The following DLG2 variants were observed in gnomAD, a reference collection of about 807,000 sequenced individuals.
DLG2 encodes the protein discs large MAGUK scaffold protein 2.
DLG2 carries 45 observed loss-of-function variants against 132.5 expected under a neutral mutation model. The observed-to-expected ratio is 0.34, with a 90% CI of 0.27 to 0.44. DLG2 has a LOEUF of 0.44. Among genes scored for constraint, DLG2 ranks in the 20% least tolerant of loss-of-function variants. The pLI is 1.00. For synonymous variants in DLG2, 424 were observed against 419.6 expected (o/e 1.01, Z -0.13); for missense variants, 1,045 against 1,196.9 (o/e 0.87, Z 1.87).
chr11:84,669,534 T>C (rs2099703475), intron 6 of DLG2, among the ~76,000 whole-genome samples: 2 of 152,074 alleles, frequency 1.3e-5, no homozygotes, highest in Admixed American at 1.3e-4. Flanking sequence ...CTCCTTCACT[T>C]CTTTTGACAA....
chr11:84,759,095 C>T (rs2067268459), intron 6 of DLG2, among the ~76,000 whole-genome samples: 1 of 152,094 alleles, frequency 6.6e-6, no homozygotes, highest in Non-Finnish European at 1.5e-5. Context: ...CCAGGCTGGT[C>T]TTGAACTCCT....
At chr11:84,349,201 T>C (rs2098551915) in intron 7 of DLG2, among the ~76,000 whole-genome samples, 1 of 152,158 alleles carries the variant, frequency 6.6e-6, no homozygotes, top group African/African-American at 2.4e-5. Context: ...TTATTATAAA[T>C]ATGATTTTCA....
At chr11:85,386,030 T>C (rs1260401018) in intron 3 of DLG2, among the ~76,000 whole-genome samples, 1 of 152,212 alleles carries the variant, frequency 6.6e-6, no homozygotes, top group East Asian at 1.9e-4. Context: ...TTTACATGTG[T>C]TTTCTTTAAG....
intron 6 of DLG2, among the ~76,000 whole-genome samples, chr11:84,593,556 C>A (rs1403973214): frequency 2.0e-5 from 3 of 152,088 alleles, no homozygotes; most frequent in African/African-American, 7.2e-5. Flanking sequence ...ACTAGAAAAC[C>A]AAACACCACA....
chr11:85,500,368 A>T lies in DLG2; in HGVS notation c.40+98289T>A, dbSNP rs577768186. Among the ~76,000 whole-genome samples the T allele has an allele frequency of 2.5e-3, 305 of 120,476 alleles. 6 individuals are homozygous for T. The highest frequency in any genetic ancestry group is 0.011 in the African/African-American group (284 of 26,470). 79.0% of individuals were successfully genotyped at this position (120,476 alleles called of 152,430 possible). On this transcript the variant is annotated intron_variant, in intron 3 of 27. Transcript: ENST00000376104. ...AGATCACATGGACACAGGAAGGGGA[A>T]TATCACACTCTGGGGACTGTGGTGG...
chr11:83,846,940 C>CA (rs1565319397), intron 16 of DLG2, among the ~76,000 whole-genome samples: 2,488 of 58,062 alleles, frequency 0.043, 155 homozygotes, highest in African/African-American at 0.1. Context: ...ATCTCCCAAG[C>CA]CAAAAAAAAA....
At chr11:85,374,535 C>T (rs1295933602) in intron 3 of DLG2, among the ~76,000 whole-genome samples, 1 of 152,144 alleles carries the variant, frequency 6.6e-6, no homozygotes, top group African/African-American at 2.4e-5. Context: ...GATGGGGTTT[C>T]ACCATGTTGG....
intron 4 of DLG2, among the ~76,000 whole-genome samples, chr11:85,215,649 C>A (rs573689099): frequency 1.3e-5 from 2 of 152,274 alleles, no homozygotes; most frequent in African/African-American, 4.8e-5. Flanking sequence ...CCCTTATCTT[C>A]CATTAGTTTC....
chr11:85,041,109 C>G (rs2061823551), intron 6 of DLG2, among the ~76,000 whole-genome samples: 1 of 151,786 alleles, frequency 6.6e-6, no homozygotes, highest in Non-Finnish European at 1.5e-5. Flanking sequence ...TTTTCTTTCA[C>G]CAGTATTTCT....
chr11:84,626,036 G>T (rs999744825), intron 6 of DLG2, among the ~76,000 whole-genome samples: 1 of 152,114 alleles, frequency 6.6e-6, no homozygotes, highest in Admixed American at 6.5e-5. Context: ...AATTATGATA[G>T]TAACTGCTAT....
Position 83,854,293 on chromosome 11 carries a change from T to C in DLG2, c.1565+20127A>G, listed in dbSNP as rs182440730. Reference sequence around the variant, plus strand: ...CTAGAAATACTCAATATTGTCAACATGTTAGTTCTTTCCAACTTAATTTGT... The same window carrying C: ...CTAGAAATACTCAATATTGTCAACACGTTAGTTCTTTCCAACTTAATTTGT... On this transcript the variant is annotated intron_variant, in intron 16 of 27. Coordinates refer to ENST00000376104, the MANE Select transcript of DLG2 (RefSeq NM_001142699.3). Among the ~76,000 whole-genome samples the C allele has an allele frequency of 4.6e-5, 7 of 152,250 alleles. No individual in the cohort carries two copies. In the East Asian group the frequency reaches 1.2e-3, roughly 25 times the overall value.
At chr11:83,882,763 A>G (rs1178932474) in intron 15 of DLG2, among the ~76,000 whole-genome samples, 1 of 152,210 alleles carries the variant, frequency 6.6e-6, no homozygotes, top group Non-Finnish European at 1.5e-5. Flanking sequence ...CTGGTTCTGG[A>G]TGTGCAGGGT....
chr11:84,239,069 T>C (rs1181425523), intron 8 of DLG2, among the ~76,000 whole-genome samples: 3 of 152,220 alleles, frequency 2.0e-5, no homozygotes, highest in African/African-American at 4.8e-5. Flanking sequence ...ATTCACTCTA[T>C]TAAAACAGTC....
chr11:83,771,676 C>G (rs960089546), intron 18 of DLG2, among the ~76,000 whole-genome samples: 1 of 151,994 alleles, frequency 6.6e-6, no homozygotes, highest in Non-Finnish European at 1.5e-5. Flanking sequence ...ATAAGACCAC[C>G]GTTGTATATG....
At chr11:84,651,947 G>A (rs748126794) in intron 6 of DLG2, among the ~76,000 whole-genome samples, 11 of 152,116 alleles carry the variant, frequency 7.2e-5, no homozygotes, top group East Asian at 1.9e-4. Context: ...ATTGGAAGGC[G>A]GAGGAGGTAC....
At position 85,614,225 on chromosome 11, in the gene DLG2, T is replaced by C. The variant is rs561767006; in HGVS notation, c.-93+12362A>G. ...AGTATTCACATATGCTTAATTCTTA[T>C]TGTTGATGTTATTGCTTTTTTACAA... On this transcript the variant is annotated intron_variant, in intron 2 of 27. Transcript: ENST00000376104. 2.6e-5 allele frequency among the ~76,000 whole-genome samples: 4 copies of C among 152,342 alleles called. No individual in the cohort carries two copies. The East Asian group carries it at 7.7e-4, about 29-fold the overall frequency.
At chr11:85,582,294 T>C (rs2078575323) in intron 3 of DLG2, among the ~76,000 whole-genome samples, 1 of 151,890 alleles carries the variant, frequency 6.6e-6, no homozygotes, top group Non-Finnish European at 1.5e-5. Flanking sequence ...ATGAACTGGG[T>C]CAATAAGAGG....
chr11:84,690,999 A>AT (rs2057966327), intron 6 of DLG2, among the ~76,000 whole-genome samples: 1 of 151,916 alleles, frequency 6.6e-6, no homozygotes, highest in Non-Finnish European at 1.5e-5. Flanking sequence ...ACAAAATGTT[A>AT]TTAATGGTCC....
At chr11:84,947,333 A>T (rs2050347739) in intron 6 of DLG2, among the ~76,000 whole-genome samples, 1 of 152,134 alleles carries the variant, frequency 6.6e-6, no homozygotes, top group Non-Finnish European at 1.5e-5. Context: ...TTCCCAATAG[A>T]TCTTTGACCC....
Sources: gnomAD v4.1 joint callset for allele counts (sites outside exome capture counted in the v4.1 genomes callset) on GRCh38, gnomAD v4.1.1 for gene constraint, MANE v1.5 for transcripts, NCBI Gene and HGNC (gene_info 2026-07-23, HGNC 2026-07-21) for gene names.